ELP2: variants seen among roughly 807,000 people sequenced by gnomAD.
The protein encoded by ELP2 is elongator acetyltransferase complex subunit 2, also known as elongator complex protein 2.
A neutral mutation model predicts 119.2 loss-of-function variants in ELP2; 90 were observed. The observed-to-expected ratio is 0.75, with a 90% confidence interval of 0.64 to 0.90. The LOEUF (loss-of-function observed/expected upper bound fraction) is 0.90. Among genes scored for constraint, ELP2 ranks in the 40% least tolerant of loss-of-function variants. The pLI is 0.00. For synonymous variants in ELP2, 339 were observed against 331.0 expected, an observed-to-expected ratio of 1.02 and a Z score of -0.26; for missense variants, 921 against 967.8, an observed-to-expected ratio of 0.95 and a Z score of 0.64.
chr18:36,141,205 A>G lies in ELP2; in HGVS notation c.588+4A>G. 6.2e-7 allele frequency: 1 copy of G among 1,602,084 alleles called. No homozygotes were observed. Among genetic ancestry groups the G allele is most frequent in the African/African-American group, 1.3e-5 (1 of 74,826 alleles). Reference sequence around the variant, plus strand: ...ATTTGCTCAACAAAATGATCAGGTAATAATGTTTATATTAAGAGGCTGGAA... The same window carrying G: ...ATTTGCTCAACAAAATGATCAGGTAGTAATGTTTATATTAAGAGGCTGGAA... On this transcript the variant is annotated splice_donor_region_variant and intron_variant, in intron 6 of 21. Transcript: ENST00000358232.
In ELP2 at chr18:36,169,449, C is replaced by T. The variant is rs554516383; in HGVS notation, c.2077-614C>T. Among the ~76,000 whole-genome samples the T allele has an allele frequency of 2.1e-4, 31 of 148,940 alleles. No homozygotes were observed. In the South Asian group the frequency reaches 3.4e-3, roughly 16 times the overall value. On this transcript the variant is annotated intron_variant, in intron 19 of 21. Coordinates refer to ENST00000358232, the MANE Select transcript of ELP2 (RefSeq NM_018255.4). ...TTGCTCAGGCTGGAGTGCAGTGGCACGATCTCGGCTCACTGCAACCTCTGC... is the reference window on the plus strand; with the variant it reads ...TTGCTCAGGCTGGAGTGCAGTGGCATGATCTCGGCTCACTGCAACCTCTGC...
intron 5 of ELP2, 53 bp downstream of exon 5, chr18:36,138,925 A>C: frequency 7.6e-7 from 1 of 1,313,758 alleles, no homozygotes; most frequent in Non-Finnish European, 1.1e-6. Flanking sequence ...GCATACTGTC[A>C]TATGATTAGA....
chr18:36,144,758 A>G (rs529196694), intron 8 of ELP2, among the ~76,000 whole-genome samples, 181 bp from the exon 9 acceptor site: 19 of 152,222 alleles, frequency 1.2e-4, no homozygotes, highest in Non-Finnish European at 2.4e-4. Context: ...TTTTTCTCCT[A>G]TAATTTTGAA....
chr18:36,171,957 C>T (rs1023322055), intron 21 of ELP2, among the ~76,000 whole-genome samples: 3 of 152,146 alleles, frequency 2.0e-5, no homozygotes, highest in Admixed American at 2.0e-4. Flanking sequence ...TGGGCTCAAG[C>T]AATCCTCCTG....
chr18:36,160,978 A>G lies in ELP2; in HGVS notation c.1735A>G (p.Lys579Glu), dbSNP rs751491714. 1.9e-6 allele frequency: 3 copies of G among 1,613,794 alleles called. No homozygotes were observed. In the South Asian group the frequency reaches 3.3e-5, roughly 18 times the overall value. The change falls in exon 17 of 22, where the codon AAG becomes GAG. Residue 579 changes from lysine (K) to glutamate (E), a missense_variant. Physicochemically the swap from Lys to Glu is moderately conservative, Grantham distance 56. Coordinates refer to ENST00000358232, the MANE Select transcript of ELP2 (RefSeq NM_018255.4). ...EIFCVTCNSS[K>E]TLLASACKAA... ...ATTTTGTGTTACTTGTAACAGTTCA[A>G]AGACTCTGCTTGCCTCAGCTTGTAA...
chr18:36,138,627 ACAT>A, intron 4 of ELP2, 165 bp from the exon 5 acceptor site: 2 of 868,392 alleles, frequency 2.3e-6, no homozygotes, highest in Admixed American at 2.2e-5. Context: ...GCTGTCTGTA[ACAT>A]CATTAAAATT....
intron 8 of ELP2, 91 bp downstream of exon 8, chr18:36,143,057 T>C (rs2144633603): frequency 1.1e-6 from 1 of 877,678 alleles, no homozygotes; most frequent in Non-Finnish European, 1.8e-6. Context: ...TGAAGGATAG[T>C]TTTTCACAAT....
At chr18:36,138,653 T>C in intron 4 of ELP2, 142 bp from the exon 5 acceptor site, 1 of 892,472 alleles carries the variant, frequency 1.1e-6, no homozygotes, top group Non-Finnish European at 1.8e-6. Context: ...GCCATTTAAC[T>C]TCACATGGTC....
chr18:36,138,815 A>G lies in ELP2; in HGVS notation c.466A>G (p.Asn156Asp), dbSNP rs748831020. 6.2e-7 allele frequency: 1 copy of G among 1,613,938 alleles called. No individual in the cohort carries two copies. Among genetic ancestry groups the G allele is most frequent in the East Asian group, 2.2e-5 (1 of 44,850 alleles). ...CTTAGTAATGTGCCTTCAGACTTTAAACTTTGGAAATGGATTTGCTTTGGC... is the reference window on the plus strand; with the variant it reads ...CTTAGTAATGTGCCTTCAGACTTTAGACTTTGGAAATGGATTTGCTTTGGC... The part of the protein sequence containing the change: ...GPEVMCLQTL[N>D]FGNGFALALC... The change falls in exon 5 of 22, where the codon AAC (asparagine) becomes GAC (aspartate). Residue 156 changes from asparagine to aspartate, a missense_variant. Asn to Asp is a conservative substitution (Grantham distance 23). Coordinates refer to ENST00000358232, the MANE Select transcript of ELP2 (RefSeq NM_018255.4).
At chr18:36,167,392 A>T (rs2090940612) in intron 19 of ELP2, among the ~76,000 whole-genome samples, 170 bp downstream of exon 19, 1 of 152,106 alleles carries the variant, frequency 6.6e-6, no homozygotes, top group South Asian at 2.1e-4. Flanking sequence ...TTTTCTTGTT[A>T]AATTCTATAA....
intron 3 of ELP2, 79 bp downstream of exon 3, chr18:36,136,456 C>T: frequency 1.7e-6 from 2 of 1,187,092 alleles, no homozygotes; most frequent in Non-Finnish European, 2.5e-6. Context: ...CACTCTGTCA[C>T]CCAGGCTGAC....
Position 36,167,229 on chromosome 18 carries a change from A to G in ELP2, c.2076+7A>G, listed in dbSNP as rs1392097900. 3 of 1,560,192 alleles carry G rather than the reference A, an allele frequency of 1.9e-6. No homozygotes were observed. In the East Asian group the frequency reaches 6.9e-5, roughly 36 times the overall value. On this transcript the variant is annotated splice_region_variant and intron_variant, in intron 19 of 21. Coordinates refer to ENST00000358232, the MANE Select transcript of ELP2 (RefSeq NM_018255.4). ...TGGGAGTCGAGACAAAAAGGTAATT[A>G]TTTAAAAATTTAATATTTTTTCAAA...
At chr18:36,133,024 T>C (rs17563388) in intron 1 of ELP2, among the ~76,000 whole-genome samples, 3,593 of 152,170 alleles carry the variant, frequency 0.024, 57 homozygotes, top group Middle Eastern at 0.044. Flanking sequence ...GACAGGATGC[T>C]GGGAATGTGG....
rs143869017 is a variant in ELP2, at chr18:36,171,085, G to A, written c.2249G>A (p.Cys750Tyr). 1,155 of 1,614,080 alleles carry A rather than the reference G, an allele frequency of 7.2e-4. 11 individuals carry two copies. The African/African-American group carries it at 0.014, about 19-fold the overall frequency. ...VAVGLECGKI[C>Y]LYTWKKTDQV... ...GTAGGATTGGAGTGTGGAAAGATTT[G>A]CTTATATACCTGGAAAAAGACTGAT... The change falls in exon 21 of 22, where the codon TGC becomes TAC. Residue 750 changes from cysteine to tyrosine, a missense_variant. Physicochemically the swap from Cys to Tyr is radical, Grantham distance 194. Coordinates refer to ENST00000358232, the MANE Select transcript of ELP2 (RefSeq NM_018255.4).
In ELP2 at chr18:36,174,621, G is replaced by A; in HGVS notation, c.2461G>A (p.Val821Ile). 6.2e-7 allele frequency: 1 copy of A among 1,614,134 alleles called. No individual in the cohort carries two copies. The highest frequency in any genetic ancestry group is 8.5e-7 in the Non-Finnish European group (1 of 1,180,012). Reference protein sequence around the residue: ...GEDHTVKIHRVNKCAL With the variant: ...GEDHTVKIHRINKCAL ...AGATCACACTGTGAAGATACACAGA[G>A]TCAATAAATGTGCACTGTAATGGAC... Residue 821 changes from valine (V) to isoleucine (I), a missense_variant, in exon 22 of 22, where the codon GTC becomes ATC. Val to Ile is a conservative substitution (Grantham distance 29, BLOSUM62 3). Coordinates refer to ENST00000358232, the MANE Select transcript of ELP2 (RefSeq NM_018255.4).
chr18:36,178,609 GC>G lies in ELP2; in HGVS notation c.*3969del, dbSNP rs1244750574. ...CAACATTTAAACATATGACAGTGGG[GC>G]TATGGTTATGATTGGTTTTGTTTTT... On this transcript the variant is annotated 3_prime_UTR_variant, in exon 22 of 22. Transcript: ENST00000358232. The G allele has an allele frequency of 1.3e-5, 2 of 151,892 alleles. No individual in the cohort carries two copies. Among genetic ancestry groups the G allele is most frequent in the Admixed American group, 6.6e-5 (1 of 15,246 alleles). 9.4% of individuals were successfully genotyped at this position (151,892 alleles called of 1,614,324 possible).
rs1443894665 is a variant in ELP2 at position 36,175,830 on chromosome 18, G to A, written c.*1189G>A. 1.3e-5 allele frequency: 2 copies of A among 152,140 alleles called. No homozygotes were observed. Among genetic ancestry groups the A allele is most frequent in the African/African-American group, 4.8e-5 (2 of 41,406 alleles). The allele number at this position is 152,140 out of a possible 1,614,324, so 9.4% of individuals were successfully genotyped here. ...TAGAGCCATTTGGCAGATTGACAAT[G>A]CAGTGACAGCTGTATATAATAAATG... is the stretch of plus-strand genomic sequence containing the variant. On this transcript the variant is annotated 3_prime_UTR_variant, in exon 22 of 22. Transcript: ENST00000358232.
At chr18:36,164,343 T>C in intron 17 of ELP2, 132 bp from the exon 18 acceptor site, 2 of 784,238 alleles carry the variant, frequency 2.6e-6, no homozygotes, top group Non-Finnish European at 4.3e-6. Flanking sequence ...GTATGTTATC[T>C]CCTAGGAATT....
rs2091202283 is a variant in ELP2, at chr18:36,175,408, A to G, written c.*767A>G. On this transcript the variant is annotated 3_prime_UTR_variant, in exon 22 of 22. Coordinates refer to ENST00000358232, the MANE Select transcript of ELP2 (RefSeq NM_018255.4). Reference sequence around the variant, plus strand: ...CCCTTCTTTCTAGCATCTGCCAGACATTGTAGAGTTTCGCAAGCAGTTGTA... The same window carrying G: ...CCCTTCTTTCTAGCATCTGCCAGACGTTGTAGAGTTTCGCAAGCAGTTGTA... 4 of 152,192 alleles carry G rather than the reference A, an allele frequency of 2.6e-5. No individual in the cohort carries two copies. In the South Asian group the frequency reaches 6.2e-4, roughly 24 times the overall value. 9.4% of individuals were successfully genotyped at this position (152,192 alleles called of 1,614,324 possible). A position where few individuals can be genotyped will look rare whatever the true frequency, so the allele number is the denominator to read the frequency against.
Sources: allele counts gnomAD v4.1 joint callset (sites outside exome capture counted in the v4.1 genomes callset), GRCh38; gene constraint gnomAD v4.1.1; transcripts MANE v1.5; gene names NCBI Gene and HGNC (gene_info 2026-07-23, HGNC 2026-07-21).